Variants in COL23A1 observed in about 807,000 individuals in gnomAD.
COL23A1 encodes collagen type XXIII alpha 1 chain.
In COL23A1, 97 loss-of-function variants were observed where a neutral mutation model predicts 99.3. The observed-to-expected ratio is 0.98, with a 90% CI of 0.83 to 1.16. The LOEUF (loss-of-function observed/expected upper bound fraction) is 1.16, where lower values mean the gene tolerates loss of function less well. Among genes scored for constraint, COL23A1 ranks in the 50% most tolerant of loss-of-function variants. COL23A1 has a pLI of 0.00. For synonymous variants in COL23A1, 320 were observed against 308.2 expected, an observed-to-expected ratio of 1.04 and a Z score of -0.40; for missense variants, 762 against 757.4, an observed-to-expected ratio of 1.01 and a Z score of -0.07.
chr5:178,494,359 C>T (rs1758086959), intron 2 of COL23A1, among the ~76,000 whole-genome samples: 1 of 152,158 alleles, frequency 6.6e-6, no homozygotes, highest in Admixed American at 6.5e-5. Context: ...GGTCACATGC[C>T]ATGAACGTGA....
rs568563637 is a variant in COL23A1 at position 178,514,603 on chromosome 5, C to T, written c.361+46079G>A. Among the ~76,000 whole-genome samples, 10 of 152,320 alleles carry T rather than the reference C, an allele frequency of 6.6e-5. No individual in the cohort carries two copies. The East Asian group carries it at 1.9e-3, about 29-fold the overall frequency. ...CATCCTGAAGCCACAGGGCCTGGGG[C>T]CACAAAGATGAACGGAACTGGGGCT... On this transcript the variant is annotated intron_variant, in intron 2 of 28. Transcript: ENST00000390654.
chr5:178,259,268 G>C (rs1212887833), intron 12 of COL23A1, among the ~76,000 whole-genome samples: 2 of 152,106 alleles, frequency 1.3e-5, no homozygotes, highest in Non-Finnish European at 2.9e-5. Context: ...GAAGGAGGAG[G>C]CTGGCCCAGG....
intron 2 of COL23A1, among the ~76,000 whole-genome samples, chr5:178,386,799 C>T (rs1244127550): frequency 6.6e-6 from 1 of 152,142 alleles, no homozygotes; most frequent in Non-Finnish European, 1.5e-5. Flanking sequence ...GGAGCAAGAG[C>T]CTGGGAGAGA....
At position 178,469,766 on chromosome 5, in the gene COL23A1, A is replaced by T. The variant is rs1198945617; in HGVS notation, c.361+90916T>A. On this transcript the variant is annotated intron_variant, in intron 2 of 28. Coordinates refer to ENST00000390654, the MANE Select transcript of COL23A1 (RefSeq NM_173465.4). ...GGGAAGCTGCCTGCCGCTGGTGATA[A>T]CCAGAATCGGTCGTGGGGAGGAGGT... Among the ~76,000 whole-genome samples the T allele has an allele frequency of 7.9e-5, 12 of 152,062 alleles. No homozygotes were observed. In the East Asian group the frequency reaches 2.3e-3, roughly 29 times the overall value.
intron 2 of COL23A1, among the ~76,000 whole-genome samples, chr5:178,555,465 CT>C (rs1250862542): frequency 6.6e-6 from 1 of 152,186 alleles, no homozygotes; most frequent in African/African-American, 2.4e-5. Context: ...CCAGCAGAGG[CT>C]GTCTGAAGAC....
intron 5 of COL23A1, among the ~76,000 whole-genome samples, chr5:178,285,630 C>G (rs1346040685): frequency 8.5e-5 from 13 of 152,220 alleles, no homozygotes; most frequent in Admixed American, 7.9e-4. Context: ...TCAGTTAACC[C>G]CGCTCTGCAG....
At chr5:178,566,359 C>T (rs1762842083) in intron 1 of COL23A1, among the ~76,000 whole-genome samples, 1 of 152,156 alleles carries the variant, frequency 6.6e-6, no homozygotes, top group Admixed American at 6.5e-5. Context: ...CAAAGAGTGA[C>T]CTGTAATGAA....
At chr5:178,252,782 A>G (rs116544977) in intron 16 of COL23A1, among the ~76,000 whole-genome samples, 185 bp from the exon 17 acceptor site, 6,351 of 152,298 alleles carry the variant, frequency 0.042, 442 homozygotes, top group African/African-American at 0.15. Context: ...CTGGCCTCCC[A>G]GGCTTGGGGG....
intron 2 of COL23A1, among the ~76,000 whole-genome samples, chr5:178,557,194 A>G (rs913641362): frequency 3.3e-5 from 5 of 152,128 alleles, no homozygotes; most frequent in African/African-American, 1.2e-4. Context: ...GCTGTCACCT[A>G]GCCCTCTGGT....
chr5:178,368,389 T>A (rs977392127), intron 2 of COL23A1, among the ~76,000 whole-genome samples: 1 of 152,072 alleles, frequency 6.6e-6, no homozygotes, highest in African/African-American at 2.4e-5. Flanking sequence ...TCCCCCATGA[T>A]CAGCATCCCC....
Position 178,259,748 on chromosome 5 carries a change from C to G in COL23A1, c.703-1G>C. ...TCTTTCCAGGTACTCCAGGCTCACCCTGGGGGAGGCAATGGGGGGTTCAAG... is the reference window on the plus strand; with the variant it reads ...TCTTTCCAGGTACTCCAGGCTCACCGTGGGGGAGGCAATGGGGGGTTCAAG... On this transcript the variant is annotated splice_acceptor_variant, in intron 11 of 28. Transcript: ENST00000390654. LOFTEE classifies it high-confidence loss of function. 1 of 1,603,580 alleles carries G rather than the reference C, an allele frequency of 6.2e-7. No homozygotes were observed. The highest frequency in any genetic ancestry group is 8.5e-7 in the Non-Finnish European group (1 of 1,173,302).
At chr5:178,576,212 G>T (rs1352355859) in intron 1 of COL23A1, among the ~76,000 whole-genome samples, 1 of 152,164 alleles carries the variant, frequency 6.6e-6, no homozygotes, top group African/African-American at 2.4e-5. Context: ...TTGCCCTGCT[G>T]CCCAATAGCC....
At chr5:178,497,258 G>A (rs960632980) in intron 2 of COL23A1, among the ~76,000 whole-genome samples, 6 of 152,188 alleles carry the variant, frequency 3.9e-5, no homozygotes, top group African/African-American at 1.4e-4. Flanking sequence ...GGCAACAGAG[G>A]CATCGCTATC....
chr5:178,305,646 G>A (rs1478927880), intron 3 of COL23A1, among the ~76,000 whole-genome samples: 1 of 152,180 alleles, frequency 6.6e-6, no homozygotes. Flanking sequence ...TGGGGTGGGA[G>A]TCCAGGTAGA....
chr5:178,271,813 G>C (rs1460978458), intron 5 of COL23A1, among the ~76,000 whole-genome samples: 1 of 152,224 alleles, frequency 6.6e-6, no homozygotes, highest in Non-Finnish European at 1.5e-5. Context: ...GTGTGTGTGT[G>C]GGGGCGGGGA....
At chr5:178,463,501 T>A (rs1344785028) in intron 2 of COL23A1, among the ~76,000 whole-genome samples, 2 of 152,026 alleles carry the variant, frequency 1.3e-5, no homozygotes, top group Non-Finnish European at 2.9e-5. Context: ...ATCACGATAA[T>A]AGGAGCACTC....
intron 5 of COL23A1, among the ~76,000 whole-genome samples, chr5:178,277,120 C>A (rs1359237662): frequency 6.6e-6 from 1 of 151,750 alleles, no homozygotes; most frequent in African/African-American, 2.4e-5. Flanking sequence ...AATCCCAGCA[C>A]TTTGGAAGGT....
At position 178,244,092 on chromosome 5, in the gene COL23A1, G is replaced by A. The variant is rs113809864; in HGVS notation, c.1441-1698C>T. On this transcript the variant is annotated intron_variant, in intron 25 of 28. Transcript: ENST00000390654. ...CCTCCTGGGCTCATGCCATCCTCCCGCCTCAGTCTCCTGAGTAGCTGGGAC... is the reference window on the plus strand; with the variant it reads ...CCTCCTGGGCTCATGCCATCCTCCCACCTCAGTCTCCTGAGTAGCTGGGAC... Among the ~76,000 whole-genome samples, 28 of 151,562 alleles carry A rather than the reference G, an allele frequency of 1.8e-4. 2 individuals carry two copies. Among genetic ancestry groups the A allele is most frequent in the African/African-American group, 6.1e-4 (25 of 41,308 alleles).
chr5:178,509,354 G>A lies in COL23A1; in HGVS notation c.361+51328C>T, dbSNP rs150911417. Among the ~76,000 whole-genome samples, 447 of 152,146 alleles carry A rather than the reference G, an allele frequency of 2.9e-3. 3 individuals are homozygous for A. The highest frequency in any genetic ancestry group is 9.7e-3 in the African/African-American group (402 of 41,516). On this transcript the variant is annotated intron_variant, in intron 2 of 28. Transcript: ENST00000390654. ...CTCTGCCTCAGCCTCCCTAGTAGCT[G>A]GGACTACAAGCGCCCACCACCATGC...
Sources: allele counts gnomAD v4.1 joint callset (sites outside exome capture counted in the v4.1 genomes callset), GRCh38; gene constraint gnomAD v4.1.1; transcripts MANE v1.5; gene names NCBI Gene and HGNC (gene_info 2026-07-23, HGNC 2026-07-21).